Variants in SPNS2 observed in about 807,000 individuals in gnomAD.
The protein encoded by SPNS2 is SPNS lysolipid transporter 2, sphingosine-1-phosphate.
In SPNS2, 37 loss-of-function variants were observed where a neutral mutation model predicts 57.6. The ratio of observed to expected loss-of-function variants is 0.64; its 90% CI spans 0.49 to 0.85. SPNS2 has a LOEUF of 0.85. Among genes scored for constraint, SPNS2 ranks in the 40% least tolerant of loss-of-function variants. The pLI is 0.00. For synonymous variants in SPNS2, 440 were observed against 346.9 expected (o/e 1.27, Z -2.98); for missense variants, 831 against 779.1 (o/e 1.07, Z -0.79).
At chr17:4,506,111 G>A (rs2144308070) in intron 1 of SPNS2, among the ~76,000 whole-genome samples, 1 of 152,304 alleles carries the variant, frequency 6.6e-6, no homozygotes, top group South Asian at 2.1e-4. Context: ...GTGCAGGTGG[G>A]GAACACAGGC....
In SPNS2 at chr17:4,538,793, C is replaced by A. The variant is rs62064958; in HGVS notation, c.*1345C>A. 0.033 allele frequency: 24,748 copies of A among 754,370 alleles called. 580 individuals carry two copies. The highest frequency in any genetic ancestry group is 0.051 in the Middle Eastern group (186 of 3,618). The allele number at this position is 754,370 out of a possible 1,614,324, so 46.7% of individuals were successfully genotyped here. The stretch of plus-strand genomic sequence containing the variant: ...GCTCTGGGGTACCCCGAGGGCCTGA[C>A]AAGAGGATGGGGTGGGGGTGGCATC... On this transcript the variant is annotated 3_prime_UTR_variant, in exon 13 of 13. Transcript: ENST00000329078.
chr17:4,506,506 C>T (rs1904682199), intron 1 of SPNS2, among the ~76,000 whole-genome samples: 1 of 152,140 alleles, frequency 6.6e-6, no homozygotes, highest in South Asian at 2.1e-4. Flanking sequence ...TGCAAAGCCC[C>T]CAGATTGCTC....
intron 2 of SPNS2, 25 bp from the exon 3 acceptor site, chr17:4,525,032 C>G (rs771541932): frequency 4.9e-5 from 79 of 1,609,032 alleles, no homozygotes; most frequent in African/African-American, 2.3e-4. Context: ...CCTGGGCCCC[C>G]CCTCAAGCTC....
At chr17:4,533,459 T>TGGG in intron 8 of SPNS2, 27 bp downstream of exon 8, 1 of 1,564,654 alleles carries the variant, frequency 6.4e-7, no homozygotes, top group Non-Finnish European at 8.7e-7. Flanking sequence ...TCAAGGGTGC[T>TGGG]GGGGGAGCTG....
intron 3 of SPNS2, among the ~76,000 whole-genome samples, chr17:4,526,975 TGCCCCTGGCCAG>T (rs1411683399): frequency 6.6e-6 from 1 of 152,214 alleles, no homozygotes; most frequent in Non-Finnish European, 1.5e-5. Context: ...GACCTTGTCT[TGCCCCTGGCCAG>T]GCCCCTGGTC....
chr17:4,532,553 C>A lies in SPNS2; in HGVS notation c.804C>A (p.Val268=), dbSNP rs774621594. Residue 268 remains valine, a synonymous_variant, in exon 6 of 13, where the codon GTC becomes GTA. Transcript: ENST00000329078. ...DWHWALRVSP[V]LGMITGTLIL... is the part of the protein sequence containing the mutation. ...CTGCTCTCTGGCAGGTGTCCCCTGT[C>A]CTGGGCATGATCACAGGAACACTCA... The A allele has an allele frequency of 3.1e-6, 5 of 1,614,068 alleles. 1 individual carries two copies. The highest frequency in any genetic ancestry group is 3.3e-4 in the Middle Eastern group (2 of 6,084).
At chr17:4,524,557 G>A (rs963207112) in intron 2 of SPNS2, among the ~76,000 whole-genome samples, 1 of 152,208 alleles carries the variant, frequency 6.6e-6, no homozygotes, top group Non-Finnish European at 1.5e-5. Flanking sequence ...GGTGGCGCAT[G>A]CCTGTAATGC....
rs1033239666 is a variant in SPNS2, at chr17:4,511,056, C to T, written c.371-2191C>T. Among the ~76,000 whole-genome samples the T allele has an allele frequency of 6.6e-6, 1 of 152,240 alleles. No individual in the cohort carries two copies. Among genetic ancestry groups the T allele is most frequent in the Non-Finnish European group, 1.5e-5 (1 of 68,050 alleles). ...GTGAGGACAGCGTCTGTACCATCTT[C>T]AAAGCCTCACGCAGTTCCTTGGAAC... is the stretch of plus-strand genomic sequence containing the variant. On this transcript the variant is annotated intron_variant, in intron 1 of 12. Coordinates refer to ENST00000329078, the MANE Select transcript of SPNS2 (RefSeq NM_001124758.3). This position sits in a 1 kb window ranked among gnomAD's most constrained non-coding sequence, Gnocchi z 4.6.
At chr17:4,527,979 T>A in intron 3 of SPNS2, among the ~76,000 whole-genome samples, 2 of 149,172 alleles carry the variant, frequency 1.3e-5, no homozygotes, top group Non-Finnish European at 1.5e-5. Flanking sequence ...GCAATCTAAA[T>A]GACCATCACT....
intron 2 of SPNS2, among the ~76,000 whole-genome samples, chr17:4,516,228 C>T (rs1284548005): frequency 4.7e-5 from 7 of 148,618 alleles, no homozygotes; most frequent in Admixed American, 1.4e-4. Context: ...GCAGGAGAAT[C>T]GCTTGAAGCC....
chr17:4,513,386 C>A (rs1312428271), intron 2 of SPNS2, 74 bp downstream of exon 2: 14 of 1,498,612 alleles, frequency 9.3e-6, no homozygotes, highest in Admixed American at 1.7e-5. Context: ...TGGTCGTCAT[C>A]TGCCACCCGG....
intron 2 of SPNS2, among the ~76,000 whole-genome samples, chr17:4,515,372 C>T (rs896392810): frequency 2.0e-5 from 3 of 152,180 alleles, no homozygotes; most frequent in African/African-American, 7.2e-5. Flanking sequence ...GGAGAGCAGC[C>T]GGCCTGGAAT....
rs1433505111 is a variant in SPNS2, at chr17:4,537,867, T to G, written c.*419T>G. On this transcript the variant is annotated 3_prime_UTR_variant, in exon 13 of 13. Coordinates refer to ENST00000329078, the MANE Select transcript of SPNS2 (RefSeq NM_001124758.3). ...CTGGGCAAAGCACGATCTGCAGCTT[T>G]GAAGACTCAACAGACCCTGGACCAT... is the stretch of plus-strand genomic sequence containing the variant. 4.4e-6 allele frequency: 2 copies of G among 452,412 alleles called. No individual in the cohort carries two copies. The highest frequency in any genetic ancestry group is 4.7e-5 in the Admixed American group (2 of 42,366). 28.0% of individuals were successfully genotyped at this position (452,412 alleles called of 1,614,324 possible). A position where few individuals can be genotyped will look rare whatever the true frequency, so the allele number is the denominator to read the frequency against.
chr17:4,505,621 G>A (rs1904654906), intron 1 of SPNS2, among the ~76,000 whole-genome samples: 1 of 152,232 alleles, frequency 6.6e-6, no homozygotes, highest in Non-Finnish European at 1.5e-5. Context: ...CTGCAGATAG[G>A]GCTGGCCCAG....
Position 4,537,809 on chromosome 17 carries a change from G to A in SPNS2, c.*361G>A. On this transcript the variant is annotated 3_prime_UTR_variant, in exon 13 of 13. Coordinates refer to ENST00000329078, the MANE Select transcript of SPNS2 (RefSeq NM_001124758.3). ...AAGTCCCTGCCCTCCCTGGAACGAA[G>A]GGCCAGGGGGCTGGACTTTCCCACA... The A allele has an allele frequency of 2.2e-6, 1 of 455,556 alleles. No homozygotes were observed. 28.2% of individuals were successfully genotyped at this position (455,556 alleles called of 1,614,324 possible).
At chr17:4,514,374 G>C (rs570202207) in intron 2 of SPNS2, among the ~76,000 whole-genome samples, 1 of 152,080 alleles carries the variant, frequency 6.6e-6, no homozygotes, top group South Asian at 2.1e-4. Flanking sequence ...TGGGAGGGAG[G>C]GGGTGGAGTG....
In SPNS2 at chr17:4,538,857, G is replaced by T; in HGVS notation, c.*1409G>T. 1.3e-6 allele frequency: 1 copy of T among 780,212 alleles called. No individual in the cohort carries two copies. The highest frequency in any genetic ancestry group is 1.3e-5 in the South Asian group (1 of 74,538). 48.3% of individuals were successfully genotyped at this position (780,212 alleles called of 1,614,324 possible). The stretch of plus-strand genomic sequence containing the variant: ...CCTCCACCCCCACTCCAGCCTCAGC[G>T]GGGCCCCAGCGATGTTTTCTTGTTG... On this transcript the variant is annotated 3_prime_UTR_variant, in exon 13 of 13. Coordinates refer to ENST00000329078, the MANE Select transcript of SPNS2 (RefSeq NM_001124758.3).
intron 9 of SPNS2, among the ~76,000 whole-genome samples, 173 bp from the exon 10 acceptor site, chr17:4,535,903 G>A (rs1240852419): frequency 1.3e-5 from 2 of 151,734 alleles, no homozygotes; most frequent in Non-Finnish European, 2.9e-5. Context: ...GGTGGGGTGG[G>A]CAGTAGAGGG....
intron 12 of SPNS2, 44 bp from the exon 13 acceptor site, chr17:4,537,409 G>A (rs967979804): frequency 4.8e-6 from 2 of 420,986 alleles, no homozygotes; most frequent in African/African-American, 2.0e-5. Flanking sequence ...CCTTGGCACA[G>A]GCCCCACTAA....
Sources: allele counts gnomAD v4.1 joint callset (sites outside exome capture counted in the v4.1 genomes callset), GRCh38; gene constraint gnomAD v4.1.1; non-coding constraint Gnocchi (gnomAD v3.1); transcripts MANE v1.5; gene names NCBI Gene and HGNC (gene_info 2026-07-23, HGNC 2026-07-21).